AGBL1: variants seen among roughly 807,000 people sequenced by gnomAD.
AGBL1 encodes the protein AGBL carboxypeptidase 1.
In AGBL1, 130 loss-of-function variants were observed where a neutral mutation model predicts 118.9. That is an observed-to-expected ratio of 1.09 (90% CI 0.95 to 1.26). The LOEUF (loss-of-function observed/expected upper bound fraction) is 1.26. Among genes scored for constraint, AGBL1 ranks in the 50% most tolerant of loss-of-function variants. The pLI is 0.00. For synonymous variants in AGBL1, 555 were observed against 478.9 expected (o/e 1.16, Z -2.08); for missense variants, 1,584 against 1,298.1 (o/e 1.22, Z -3.38).
intron 22 of AGBL1, among the ~76,000 whole-genome samples, chr15:86,904,671 T>G (rs747085697): frequency 6.7e-6 from 1 of 149,048 alleles, no homozygotes; most frequent in Middle Eastern, 3.6e-3. Flanking sequence ...TATAAATATA[T>G]TACATGTATT....
Position 86,931,496 on chromosome 15 carries a change from A to T in AGBL1, c.3222-56491A>T, listed in dbSNP as rs74027178. On this transcript the variant is annotated intron_variant, in intron 23 of 24. Coordinates refer to the AGBL1 transcript ENST00000441037. Reference sequence around the variant, plus strand: ...GACCCCAGTTCAGTTTGGTAACAATAGGAATCTACATAAAAAAAATTACAT... The same window carrying T: ...GACCCCAGTTCAGTTTGGTAACAATTGGAATCTACATAAAAAAAATTACAT... Among the ~76,000 whole-genome samples the T allele has an allele frequency of 3.7e-3, 566 of 151,990 alleles. 1 individual carries two copies. Among genetic ancestry groups the T allele is most frequent in the African/African-American group, 0.013 (531 of 41,548 alleles).
chr15:86,212,094 A>T (rs2078108649), intron 5 of AGBL1, among the ~76,000 whole-genome samples: 1 of 152,212 alleles, frequency 6.6e-6, no homozygotes, highest in South Asian at 2.1e-4. Flanking sequence ...TGGAGTTAAC[A>T]TTGAGGTATA....
intron 5 of AGBL1, among the ~76,000 whole-genome samples, chr15:86,214,276 C>T (rs2078149079): frequency 6.6e-6 from 1 of 152,140 alleles, no homozygotes; most frequent in African/African-American, 2.4e-5. Context: ...TTCTTTTGTG[C>T]TGCCAGATAT....
chr15:86,843,807 T>C (rs920204724), intron 22 of AGBL1, among the ~76,000 whole-genome samples: 2 of 152,172 alleles, frequency 1.3e-5, no homozygotes, highest in African/African-American at 4.8e-5. Context: ...CAAATGTATG[T>C]AATGAAATCA....
At chr15:86,549,300 C>A (rs1317753153) in intron 20 of AGBL1, among the ~76,000 whole-genome samples, 1 of 152,044 alleles carries the variant, frequency 6.6e-6, no homozygotes, top group Non-Finnish European at 1.5e-5. Context: ...AAATCACATA[C>A]AAATCAATCA....
intron 22 of AGBL1, among the ~76,000 whole-genome samples, chr15:86,739,367 C>G (rs2077644449): frequency 7.1e-6 from 1 of 141,618 alleles, no homozygotes; most frequent in Non-Finnish European, 1.5e-5. Context: ...CGCTTGAACC[C>G]AGGAGGTGGA....
intron 21 of AGBL1, among the ~76,000 whole-genome samples, chr15:86,563,823 G>A (rs1212714450): frequency 6.6e-6 from 1 of 152,072 alleles, no homozygotes; most frequent in African/African-American, 2.4e-5. Context: ...TCCTGTATTG[G>A]GTGCATATAT....
At chr15:86,335,169 G>A (rs1307367314) in intron 17 of AGBL1, among the ~76,000 whole-genome samples, 2 of 150,832 alleles carry the variant, frequency 1.3e-5, no homozygotes, top group East Asian at 1.9e-4. Flanking sequence ...ACGGAGTTTC[G>A]CTCTTGTTGC....
intron 21 of AGBL1, among the ~76,000 whole-genome samples, chr15:86,666,619 A>G (rs1042808016): frequency 6.6e-6 from 1 of 152,208 alleles, no homozygotes; most frequent in African/African-American, 2.4e-5. Context: ...GGACTGTGTT[A>G]GTGTCAAGTA....
At chr15:86,385,473 G>C (rs2081170751) in intron 17 of AGBL1, among the ~76,000 whole-genome samples, 1 of 152,198 alleles carries the variant, frequency 6.6e-6, no homozygotes, top group African/African-American at 2.4e-5. Flanking sequence ...AAGATCTCCA[G>C]AGGATTCACA....
rs542139580 is a variant in AGBL1, at chr15:86,615,209, G to A, written c.2995-59064G>A. Among the ~76,000 whole-genome samples the A allele has an allele frequency of 1.8e-3, 271 of 152,256 alleles. No individual in the cohort carries two copies. The highest frequency in any genetic ancestry group is 6.1e-3 in the African/African-American group (252 of 41,534). On this transcript the variant is annotated intron_variant, in intron 21 of 22. Transcript: ENST00000614907. This position sits in a 1 kb window ranked among gnomAD's most constrained non-coding sequence, Gnocchi z 4.3. ...TTCCAGATGCCTCTGCCAGCAATGCGGGAGATTAATTCTAGCATTGGAAGT... is the reference window on the plus strand; with the variant it reads ...TTCCAGATGCCTCTGCCAGCAATGCAGGAGATTAATTCTAGCATTGGAAGT...
intron 22 of AGBL1, among the ~76,000 whole-genome samples, chr15:86,845,103 A>C (rs1040797828): frequency 3.3e-5 from 5 of 152,000 alleles, no homozygotes; most frequent in African/African-American, 7.3e-5. Context: ...AAGTCCTCCA[A>C]ATTTTTTATT....
At chr15:86,361,695 A>G (rs904016984) in intron 17 of AGBL1, among the ~76,000 whole-genome samples, 2 of 152,050 alleles carry the variant, frequency 1.3e-5, no homozygotes, top group African/African-American at 4.8e-5. Flanking sequence ...TGTATATAAT[A>G]ACTTTATTTG....
chr15:86,246,627 C>G lies in AGBL1; in HGVS notation c.527-1044C>G, dbSNP rs1297966832. ...ACAAGCAGGCCATGTGGCAAACAACCACGTGGGAAGGGCAAGTTTTCTCTA... is the reference window on the plus strand; with the variant it reads ...ACAAGCAGGCCATGTGGCAAACAACGACGTGGGAAGGGCAAGTTTTCTCTA... On this transcript the variant is annotated intron_variant, in intron 6 of 22. Transcript: ENST00000614907. Among the ~76,000 whole-genome samples the G allele has an allele frequency of 3.9e-5, 6 of 152,136 alleles. No homozygotes were observed. The South Asian group carries it at 1.0e-3, about 26-fold the overall frequency.
At chr15:87,017,053 C>T (rs975162690) in intron 24 of AGBL1, among the ~76,000 whole-genome samples, 2 of 152,130 alleles carry the variant, frequency 1.3e-5, no homozygotes, top group African/African-American at 4.8e-5. Context: ...CTGCAGGCCC[C>T]ACTTCCACAA....
At chr15:86,373,541 G>A (rs866134248) in intron 17 of AGBL1, among the ~76,000 whole-genome samples, 1 of 152,180 alleles carries the variant, frequency 6.6e-6, no homozygotes, top group Non-Finnish European at 1.5e-5. Flanking sequence ...TGAGGAGAAG[G>A]TACACTAGGC....
At chr15:86,464,804 T>A (rs1222700284) in intron 18 of AGBL1, among the ~76,000 whole-genome samples, 1 of 152,204 alleles carries the variant, frequency 6.6e-6, no homozygotes, top group Non-Finnish European at 1.5e-5. Flanking sequence ...TTGATTGTGA[T>A]GGATAAGCTT....
chr15:86,673,930 C>CCT, intron 21 of AGBL1, among the ~76,000 whole-genome samples: 2 of 152,050 alleles, frequency 1.3e-5, no homozygotes, highest in Non-Finnish European at 2.9e-5. Flanking sequence ...AAAAAAAACC[C>CCT]TTTTTAAAAA....
intron 1 of AGBL1, among the ~76,000 whole-genome samples, chr15:86,082,734 T>C (rs1357684267): frequency 6.6e-6 from 1 of 152,234 alleles, no homozygotes; most frequent in Admixed American, 6.5e-5. Context: ...TCTTTATCTC[T>C]GTCCCGAAGG....
Sources: gnomAD v4.1 joint callset for allele counts (sites outside exome capture counted in the v4.1 genomes callset) on GRCh38, gnomAD v4.1.1 for gene constraint, Gnocchi (gnomAD v3.1) non-coding constraint, MANE v1.5 for transcripts, NCBI Gene and HGNC (gene_info 2026-07-23, HGNC 2026-07-21) for gene names.